The following EPHA6 variants were observed in gnomAD, a reference collection of about 807,000 sequenced individuals.
The protein encoded by EPHA6 is EPH receptor A6.
Under a neutral mutation model 112.0 loss-of-function variants are expected in EPHA6, and 50 were observed. The observed-to-expected ratio is 0.45, with a 90% CI of 0.36 to 0.56. The LOEUF (loss-of-function observed/expected upper bound fraction) is 0.56. EPHA6 is among the 20% of genes least tolerant of loss of function. The pLI is 0.00. For missense variants in EPHA6, 1,280 were observed against 1,417.4 expected, an observed-to-expected ratio of 0.90 and a Z score of 1.56; for synonymous variants, 529 against 490.7, an observed-to-expected ratio of 1.08 and a Z score of -1.03.
rs140526000 is a variant in EPHA6, at chr3:96,972,521, G to A, written c.451-14809G>A. On this transcript the variant is annotated intron_variant, in intron 2 of 17. Transcript: ENST00000389672. ...GTTTCTCCAACAGTCCCAGTCTTCCGTGTTATTAGAATATTTCCTTTTCTG... is the reference window on the plus strand; with the variant it reads ...GTTTCTCCAACAGTCCCAGTCTTCCATGTTATTAGAATATTTCCTTTTCTG... 1.3e-3 allele frequency among the ~76,000 whole-genome samples: 205 copies of A among 151,912 alleles called. 1 individual carries two copies. The highest frequency in any genetic ancestry group is 4.7e-3 in the African/African-American group (195 of 41,452).
intron 2 of EPHA6, among the ~76,000 whole-genome samples, chr3:96,882,405 G>A (rs1057068777): frequency 6.6e-6 from 1 of 152,130 alleles, no homozygotes; most frequent in East Asian, 1.9e-4. Context: ...TTACATGCAT[G>A]AGTAAGTTCT....
chr3:97,140,149 AT>A (rs1206001447), intron 3 of EPHA6, among the ~76,000 whole-genome samples: 1 of 152,034 alleles, frequency 6.6e-6, no homozygotes, highest in African/African-American at 2.4e-5. Flanking sequence ...TCAGATAAAA[AT>A]TAGAAAAAAA....
At chr3:97,420,756 A>G (rs1399089821) in intron 6 of EPHA6, among the ~76,000 whole-genome samples, 1 of 152,054 alleles carries the variant, frequency 6.6e-6, no homozygotes, top group Non-Finnish European at 1.5e-5. Flanking sequence ...TAATAACTAC[A>G]GGTAAATCTT....
chr3:96,907,274 T>G (rs1340042500), intron 2 of EPHA6, among the ~76,000 whole-genome samples: 3 of 151,908 alleles, frequency 2.0e-5, no homozygotes, highest in Admixed American at 6.6e-5. Flanking sequence ...ATTTATTTAT[T>G]AATATTTATT....
intron 16 of EPHA6, among the ~76,000 whole-genome samples, chr3:97,744,341 T>C (rs1019606184): frequency 6.6e-6 from 1 of 152,030 alleles, no homozygotes; most frequent in Admixed American, 6.6e-5. Context: ...TCATTGTACA[T>C]GTTTGATAAG....
chr3:96,834,577 A>G (rs1265290138), intron 1 of EPHA6, among the ~76,000 whole-genome samples: 1 of 151,898 alleles, frequency 6.6e-6, no homozygotes, highest in African/African-American at 2.4e-5. Flanking sequence ...TTTCCTTCCA[A>G]CTCTAAGAAG....
At chr3:97,371,799 C>T (rs140008109) in intron 5 of EPHA6, among the ~76,000 whole-genome samples, 255 of 152,176 alleles carry the variant, frequency 1.7e-3, no homozygotes, top group Middle Eastern at 3.4e-3. Context: ...GAATGCATGC[C>T]TAGGGGTAGG....
intron 16 of EPHA6, among the ~76,000 whole-genome samples, chr3:97,743,761 A>G (rs1156535629): frequency 2.6e-5 from 4 of 152,118 alleles, no homozygotes; most frequent in African/African-American, 7.2e-5. Flanking sequence ...ATGTTAAAAC[A>G]GAATCTTAGC....
chr3:97,136,299 TGA>T (rs1309560717), intron 3 of EPHA6, among the ~76,000 whole-genome samples: 2 of 152,088 alleles, frequency 1.3e-5, no homozygotes, highest in Non-Finnish European at 2.9e-5. Context: ...AAGAACTAAA[TGA>T]GAGATGTAAT....
chr3:96,994,732 T>TATAGAGAGAGAGAGAGAGAGAGAG (rs1170197805), intron 3 of EPHA6, among the ~76,000 whole-genome samples: 3 of 82,218 alleles, frequency 3.6e-5, no homozygotes, highest in African/African-American at 1.9e-4. Context: ...TATATATATA[T>TATAGAGAGAGAGAGAGAGAGAGAG]AGAGAGAGAG....
chr3:97,011,041 C>T (rs892017304), intron 3 of EPHA6, among the ~76,000 whole-genome samples: 1 of 152,008 alleles, frequency 6.6e-6, no homozygotes, highest in African/African-American at 2.4e-5. Context: ...TACTTGTAAC[C>T]AAACTAAGGT....
At chr3:97,313,814 C>G (rs1281714633) in intron 5 of EPHA6, among the ~76,000 whole-genome samples, 1 of 151,542 alleles carries the variant, frequency 6.6e-6, no homozygotes, top group Non-Finnish European at 1.5e-5. Flanking sequence ...ATATTTTCTT[C>G]TAATCACTGG....
rs144703844 is a variant in EPHA6 at position 96,989,092 on chromosome 3, C to T, written c.1114+1099C>T. ...TAACTTCTTAAGAGGGTGTTTTCTA[C>T]AGCACCAGCTTGAGTTTATTGATTT... On this transcript the variant is annotated intron_variant, in intron 3 of 17. Coordinates refer to ENST00000389672, the MANE Select transcript of EPHA6 (RefSeq NM_001080448.3). Among the ~76,000 whole-genome samples, 970 of 152,182 alleles carry T rather than the reference C, an allele frequency of 6.4e-3. 12 individuals carry two copies. Among genetic ancestry groups the T allele is most frequent in the African/African-American group, 0.022 (898 of 41,538 alleles).
intron 3 of EPHA6, among the ~76,000 whole-genome samples, chr3:97,201,787 T>A (rs2077584154): frequency 6.6e-6 from 1 of 152,152 alleles, no homozygotes; most frequent in African/African-American, 2.4e-5. Flanking sequence ...GCTTCCAACC[T>A]TAATTAAGAA....
intron 3 of EPHA6, among the ~76,000 whole-genome samples, chr3:97,008,152 T>C (rs1167330165): frequency 6.6e-6 from 1 of 152,188 alleles, no homozygotes; most frequent in Non-Finnish European, 1.5e-5. Flanking sequence ...TGTTGGTCTG[T>C]CTTGCTAGGT....
rs534371278 is a variant in EPHA6, at chr3:97,412,639, G to A, written c.1731+7365G>A. ...TTTTCAGTGAAAATATTATGTATAC[G>A]TATATATAAATTAAAAATGACAGAG... is the stretch of plus-strand genomic sequence containing the variant. On this transcript the variant is annotated intron_variant, in intron 6 of 17. Transcript: ENST00000389672. Among the ~76,000 whole-genome samples the A allele has an allele frequency of 4.3e-4, 66 of 151,976 alleles. No homozygotes were observed. The East Asian group carries it at 5.8e-3, about 13-fold the overall frequency.
chr3:97,176,737 A>G (rs900893800), intron 3 of EPHA6, among the ~76,000 whole-genome samples: 4 of 151,624 alleles, frequency 2.6e-5, no homozygotes, highest in African/African-American at 9.7e-5. Flanking sequence ...ATTAGTTGTA[A>G]TGTCTCCTCT....
chr3:97,266,769 G>A (rs1476115541), intron 5 of EPHA6, among the ~76,000 whole-genome samples: 1 of 124,682 alleles, frequency 8.0e-6, no homozygotes, highest in East Asian at 2.2e-4. Flanking sequence ...TGGAAAACTA[G>A]TAAAGGATGA....
intron 10 of EPHA6, among the ~76,000 whole-genome samples, chr3:97,500,411 G>C (rs2092088628): frequency 1.3e-5 from 2 of 152,238 alleles, no homozygotes; most frequent in East Asian, 1.9e-4. Flanking sequence ...GAAGGTGAAG[G>C]GGGAGCAGGC....
Sources: allele counts gnomAD v4.1 joint callset (sites outside exome capture counted in the v4.1 genomes callset), GRCh38; gene constraint gnomAD v4.1.1; transcripts MANE v1.5; gene names NCBI Gene and HGNC (gene_info 2026-07-23, HGNC 2026-07-21).